ARHGEF11: variants seen among roughly 807,000 people sequenced by gnomAD.
ARHGEF11 encodes the protein Rho guanine nucleotide exchange factor 11, also known as Rho guanine exchange factor (GEF) 11.
Under a neutral mutation model 193.7 loss-of-function variants are expected in ARHGEF11, and 55 were observed. That is an observed-to-expected ratio of 0.28 (90% CI 0.23 to 0.36). The LOEUF (loss-of-function observed/expected upper bound fraction) is 0.36, where lower values mean the gene tolerates loss of function less well. ARHGEF11 is among the 10% of genes least tolerant of loss of function. The pLI is 1.00. For missense variants in ARHGEF11, 1,723 were observed against 2,005.6 expected (o/e 0.86, Z 2.69); for synonymous variants, 693 against 768.0 (o/e 0.90, Z 1.62).
intron 34 of ARHGEF11, 62 bp downstream of exon 34, chr1:156,941,802 C>G: frequency 6.5e-7 from 1 of 1,540,032 alleles, no homozygotes; most frequent in Non-Finnish European, 8.7e-7. Flanking sequence ...GGCTTAAAAG[C>G]AGCAGGAAAC....
At chr1:156,936,495 A>ATATATATATATATATAT (rs1330599702) in intron 40 of ARHGEF11, among the ~76,000 whole-genome samples, 5 of 57,098 alleles carry the variant, frequency 8.8e-5, no homozygotes, top group East Asian at 1.1e-3. Context: ...AAAAAAAAAA[A>ATATATATATATATATAT]AAATATATAT....
chr1:157,007,469 C>T (rs545471910), intron 1 of ARHGEF11, among the ~76,000 whole-genome samples: 1 of 151,976 alleles, frequency 6.6e-6, no homozygotes, highest in Non-Finnish European at 1.5e-5. Flanking sequence ...AATGGAACTT[C>T]TTATTACAGT....
At position 156,948,661 on chromosome 1, in the gene ARHGEF11, A is replaced by G; in HGVS notation, c.1926-163T>C. 6.5e-7 allele frequency: 1 copy of G among 1,544,376 alleles called. No homozygotes were observed. Among genetic ancestry groups the G allele is most frequent in the Non-Finnish European group, 8.7e-7 (1 of 1,150,444 alleles). On this transcript the variant is annotated intron_variant, in intron 22 of 40. Coordinates refer to ENST00000368194, the MANE Select transcript of ARHGEF11 (RefSeq NM_198236.3). The surrounding 1 kb of genome is among the most constrained non-coding windows in gnomAD (Gnocchi z 4.2). The stretch of plus-strand genomic sequence containing the variant: ...GCTGGATGGCAGTGGAAGCTTCTCA[A>G]TGACAGACTATTTTTGCTGCTCTAC...
At position 156,957,806 on chromosome 1, in the gene ARHGEF11, A is replaced by G; in HGVS notation, c.1512T>C (p.Tyr504=). Residue 504 remains tyrosine (Y), a synonymous_variant, in exon 18 of 41, where the codon TAT becomes TAC. Coordinates refer to ENST00000368194, the MANE Select transcript of ARHGEF11 (RefSeq NM_198236.3). The part of the protein sequence containing the change: ...LAALGDILSK[Y]EEDRSAPMDF... ...GACTTGCTTACCTCCTGTCTTCCTC[A>G]TACTTGGACCTGGAATGGAAGAAAG... 2.5e-6 allele frequency: 4 copies of G among 1,614,148 alleles called. No individual in the cohort carries two copies. Among genetic ancestry groups the G allele is most frequent in the Non-Finnish European group, 3.4e-6 (4 of 1,180,006 alleles).
At chr1:157,013,266 C>CACACACACACACACACACACA in intron 1 of ARHGEF11, among the ~76,000 whole-genome samples, 1 of 139,600 alleles carries the variant, frequency 7.2e-6, no homozygotes, top group Non-Finnish European at 1.5e-5. Flanking sequence ...CTATCACTCA[C>CACACACACACACACACACACA]ACACACACAC....
chr1:156,938,379 G>C, intron 38 of ARHGEF11, 39 bp downstream of exon 38: 1 of 1,593,434 alleles, frequency 6.3e-7, no homozygotes, highest in South Asian at 1.1e-5. Context: ...CCACACTCCA[G>C]TCTTGGCCTG....
At chr1:157,004,880 C>A (rs1436770265) in intron 1 of ARHGEF11, among the ~76,000 whole-genome samples, 4 of 152,156 alleles carry the variant, frequency 2.6e-5, no homozygotes, top group Non-Finnish European at 5.9e-5. Flanking sequence ...CAACTTCAAT[C>A]TCTCCAGAAA....
In ARHGEF11 at chr1:156,955,691, C is replaced by A; in HGVS notation, c.1768+12G>T. Reference sequence around the variant, plus strand: ...AAGGAATGCCCAAGGCTGTTGCTCCCCAAATACTCACTGCTTTGAGAAGAG... The same window carrying A: ...AAGGAATGCCCAAGGCTGTTGCTCCACAAATACTCACTGCTTTGAGAAGAG... On this transcript the variant is annotated intron_variant, in intron 20 of 40. Transcript: ENST00000368194. The A allele has an allele frequency of 6.2e-7, 1 of 1,609,924 alleles. No homozygotes were observed. The highest frequency in any genetic ancestry group is 1.3e-5 in the African/African-American group (1 of 74,922).
At chr1:156,985,918 A>G (rs1314180051) in intron 2 of ARHGEF11, 164 bp downstream of exon 2, 3 of 564,994 alleles carry the variant, frequency 5.3e-6, no homozygotes, top group Non-Finnish European at 9.4e-6. Flanking sequence ...GGAGGTCATC[A>G]TATTGATGCT....
At position 156,993,868 on chromosome 1, in the gene ARHGEF11, T is replaced by C. The variant is rs73010549; in HGVS notation, c.33-7695A>G. 9.9e-3 allele frequency among the ~76,000 whole-genome samples: 1,513 copies of C among 152,276 alleles called. 15 individuals carry two copies. Among genetic ancestry groups the C allele is most frequent in the African/African-American group, 0.028 (1,183 of 41,556 alleles). ...TTCCCTCATCTCTTAAACTAGAGAA[T>C]AGACAAATGGTCTCTGGCAGTGCAC... On this transcript the variant is annotated intron_variant, in intron 1 of 40. Coordinates refer to ENST00000368194, the MANE Select transcript of ARHGEF11 (RefSeq NM_198236.3).
At chr1:156,975,681 T>A (rs1296774778) in intron 7 of ARHGEF11, among the ~76,000 whole-genome samples, 2 of 152,206 alleles carry the variant, frequency 1.3e-5, no homozygotes, top group Non-Finnish European at 2.9e-5. Context: ...GTTTTACAGT[T>A]TTTAAAAATA....
intron 1 of ARHGEF11, among the ~76,000 whole-genome samples, chr1:157,007,341 T>C (rs1011822724): frequency 6.6e-6 from 1 of 151,820 alleles, no homozygotes; most frequent in African/African-American, 2.4e-5. Flanking sequence ...GTAAGAAGCA[T>C]TGAAAAGGGG....
chr1:156,939,305 G>A (rs1424110679), intron 37 of ARHGEF11: 5 of 566,270 alleles, frequency 8.8e-6, no homozygotes, highest in African/African-American at 7.5e-5. Context: ...AAAGTTCAGA[G>A]ATGATTCAGA....
In ARHGEF11 at chr1:156,941,490, G is replaced by T; in HGVS notation, c.3453-57C>A. On this transcript the variant is annotated intron_variant, in intron 34 of 40. Coordinates refer to ENST00000368194, the MANE Select transcript of ARHGEF11 (RefSeq NM_198236.3). Reference sequence around the variant, plus strand: ...CCATGAGATTCCACCCTGGACTCATGCATTAGAATGGGCAATGGAGTAGGA... The same window carrying T: ...CCATGAGATTCCACCCTGGACTCATTCATTAGAATGGGCAATGGAGTAGGA... 3 of 1,561,876 alleles carry T rather than the reference G, an allele frequency of 1.9e-6. No homozygotes were observed. In the South Asian group the frequency reaches 3.3e-5, roughly 17 times the overall value.
At chr1:156,998,886 C>G (rs994807398) in intron 1 of ARHGEF11, among the ~76,000 whole-genome samples, 1 of 152,176 alleles carries the variant, frequency 6.6e-6, no homozygotes, top group African/African-American at 2.4e-5. Flanking sequence ...AGCCAGGAGA[C>G]CTAGATATTG....
rs1040953059 is a variant in ARHGEF11 at position 156,956,323 on chromosome 1, C to T, written c.1671+97G>A. 103 of 1,303,272 alleles carry T rather than the reference C, an allele frequency of 7.9e-5. No individual in the cohort carries two copies. In the African/African-American group the frequency reaches 1.1e-3, roughly 14 times the overall value. 80.7% of individuals were successfully genotyped at this position (1,303,272 alleles called of 1,614,324 possible). A position where few individuals can be genotyped will look rare whatever the true frequency, so the allele number is the denominator to read the frequency against. ...TAGAGATGGGGTTTCACCATGTTGC[C>T]CAGGCTGGTCTCGAACTCCTGAGCT... On this transcript the variant is annotated intron_variant, in intron 19 of 40. Transcript: ENST00000368194.
chr1:156,984,472 T>A, intron 2 of ARHGEF11, 35 bp from the exon 3 acceptor site: 1 of 1,526,278 alleles, frequency 6.6e-7, no homozygotes, highest in Non-Finnish European at 8.9e-7. Flanking sequence ...GTACGCAGTG[T>A]CACTGGGAGG....
At chr1:156,996,129 T>C (rs957539521) in intron 1 of ARHGEF11, among the ~76,000 whole-genome samples, 1 of 152,132 alleles carries the variant, frequency 6.6e-6, no homozygotes, top group Non-Finnish European at 1.5e-5. Context: ...ACTAGAAGGG[T>C]GTTAGCCTCT....
rs1663991958 is a variant in ARHGEF11, at chr1:156,980,607, C to T, written c.224-121G>A. ...TCTTATTTCTCTGTGTTAAGTATCT[C>T]AAATTCTGGGTGTACTTCCTATTCT... On this transcript the variant is annotated intron_variant, in intron 3 of 40. Coordinates refer to ENST00000368194, the MANE Select transcript of ARHGEF11 (RefSeq NM_198236.3). 6.1e-6 allele frequency: 7 copies of T among 1,139,058 alleles called. 1 individual carries two copies. The South Asian group carries it at 8.2e-5, about 13-fold the overall frequency. The allele number at this position is 1,139,058 out of a possible 1,614,324, so 70.6% of individuals were successfully genotyped here. A position where few individuals can be genotyped will look rare whatever the true frequency, so the allele number is the denominator to read the frequency against.
Sources: allele counts gnomAD v4.1 joint callset (sites outside exome capture counted in the v4.1 genomes callset), GRCh38; gene constraint gnomAD v4.1.1; non-coding constraint Gnocchi (gnomAD v3.1); transcripts MANE v1.5; gene names NCBI Gene and HGNC (gene_info 2026-07-23, HGNC 2026-07-21).